Variants in ZMAT3 observed in about 807,000 individuals in gnomAD.
The protein encoded by ZMAT3 is zinc finger matrin-type protein 3.
Under a neutral mutation model 32.3 loss-of-function variants are expected in ZMAT3, and 17 were observed. The observed-to-expected ratio is 0.53, with a 90% CI of 0.36 to 0.79. ZMAT3 has a LOEUF of 0.79. Among genes scored for constraint, ZMAT3 ranks in the 30% least tolerant of loss-of-function variants. The probability of loss-of-function intolerance (pLI) is 0.00; values close to 1 mark genes in which losing one functional copy is unlikely to be tolerated. For missense variants in ZMAT3, 329 were observed against 359.7 expected (o/e 0.91, Z 0.69); for synonymous variants, 120 against 133.1 (o/e 0.90, Z 0.68).
rs1457234441 is a variant in ZMAT3 at position 179,036,475 on chromosome 3, G to A, written c.271-5476C>T. Among the ~76,000 whole-genome samples the A allele has an allele frequency of 2.6e-5, 4 of 152,186 alleles. No individual in the cohort carries two copies. The South Asian group carries it at 6.2e-4, about 24-fold the overall frequency. ...AGACAGATAACAGCTTGCAAAATGG[G>A]CCTCAAGCAAGATAATGGCTAGATA... On this transcript the variant is annotated intron_variant, in intron 2 of 5. Coordinates refer to ENST00000311417, the MANE Select transcript of ZMAT3 (RefSeq NM_022470.4).
chr3:179,062,224 T>C (rs1721185904), intron 2 of ZMAT3, among the ~76,000 whole-genome samples: 1 of 152,020 alleles, frequency 6.6e-6, no homozygotes, highest in Non-Finnish European at 1.5e-5. Flanking sequence ...CCTATAGGAA[T>C]GGAAATCAGA....
intron 5 of ZMAT3, among the ~76,000 whole-genome samples, chr3:179,026,633 A>C (rs1041842445): frequency 6.6e-6 from 1 of 151,982 alleles, no homozygotes; most frequent in Non-Finnish European, 1.5e-5. Flanking sequence ...TGATCCACCT[A>C]CCTCAGCCTC....
chr3:179,059,411 C>T (rs1454308760), intron 2 of ZMAT3, among the ~76,000 whole-genome samples: 1 of 152,170 alleles, frequency 6.6e-6, no homozygotes, highest in Non-Finnish European at 1.5e-5. Context: ...GCATTGACAG[C>T]ACCCATCAGA....
intron 2 of ZMAT3, among the ~76,000 whole-genome samples, chr3:179,044,758 T>C (rs1405480834): frequency 1.3e-5 from 2 of 152,148 alleles, no homozygotes; most frequent in Non-Finnish European, 2.9e-5. Context: ...GAAACCATCA[T>C]TCTCAGCAAA....
chr3:179,030,744 A>C, intron 3 of ZMAT3, 136 bp downstream of exon 3: 1 of 1,354,908 alleles, frequency 7.4e-7, no homozygotes, highest in Non-Finnish European at 9.8e-7. Context: ...AGTTAAAAGT[A>C]CCAAGCAGCA....
At chr3:179,056,549 T>A (rs960881765) in intron 2 of ZMAT3, among the ~76,000 whole-genome samples, 3 of 152,180 alleles carry the variant, frequency 2.0e-5, no homozygotes, top group African/African-American at 7.2e-5. Context: ...CCCCAGGGGA[T>A]GAAGATACTC....
Position 179,038,770 on chromosome 3 carries a change from G to A in ZMAT3, c.271-7771C>T, listed in dbSNP as rs568705602. Among the ~76,000 whole-genome samples the A allele has an allele frequency of 1.4e-4, 22 of 152,296 alleles. No homozygotes were observed. In the South Asian group the frequency reaches 3.5e-3, roughly 24 times the overall value. On this transcript the variant is annotated intron_variant, in intron 2 of 5. Coordinates refer to ENST00000311417, the MANE Select transcript of ZMAT3 (RefSeq NM_022470.4). ...AGCAGGGTGGGGTGTTACCTCAACC[G>A]GGAAGCCAAGAGGTCAGGGGATTTC...
chr3:179,017,287 T>C lies in ZMAT3; in HGVS notation c.*7730A>G, dbSNP rs561801985. 1 of 152,264 alleles carries C rather than the reference T, an allele frequency of 6.6e-6. No homozygotes were observed. The highest frequency in any genetic ancestry group is 6.5e-5 in the Admixed American group (1 of 15,282). The allele number at this position is 152,264 out of a possible 1,614,324, so 9.4% of individuals were successfully genotyped here. ...ACACAAAATGCGTGTTATAATAATG[T>C]CAAGCCTTTATCAGAAATCAGTACA... On this transcript the variant is annotated 3_prime_UTR_variant, in exon 6 of 6. Transcript: ENST00000311417.
chr3:179,035,343 T>C (rs572579955), intron 2 of ZMAT3, among the ~76,000 whole-genome samples: 121 of 152,226 alleles, frequency 7.9e-4, no homozygotes, highest in African/African-American at 2.6e-3. Context: ...CATGTGCTCC[T>C]TAAACATGCC....
At chr3:179,059,286 C>A (rs985170073) in intron 2 of ZMAT3, among the ~76,000 whole-genome samples, 1 of 152,198 alleles carries the variant, frequency 6.6e-6, no homozygotes. Context: ...GGGAACCTCA[C>A]AGGGACATCA....
chr3:179,070,528 C>T (rs970944252), intron 1 of ZMAT3, among the ~76,000 whole-genome samples: 1 of 152,054 alleles, frequency 6.6e-6, no homozygotes. Flanking sequence ...CATTTGCAAA[C>T]AAAAATTAGT....
rs1386277352 is a variant in ZMAT3 at position 179,024,160 on chromosome 3, A to G, written c.*857T>C. 1 of 152,210 alleles carries G rather than the reference A, an allele frequency of 6.6e-6. No individual in the cohort carries two copies. Among genetic ancestry groups the G allele is most frequent in the African/African-American group, 2.4e-5 (1 of 41,452 alleles). The allele number at this position is 152,210 out of a possible 1,614,324, so 9.4% of individuals were successfully genotyped here. ...TAGGGGGGAAAAAAGAGGAGGGAAG[A>G]AGGCGGCAATTATATGTGTGAAATC... On this transcript the variant is annotated 3_prime_UTR_variant, in exon 6 of 6. Transcript: ENST00000311417.
intron 2 of ZMAT3, among the ~76,000 whole-genome samples, chr3:179,051,694 A>C (rs913217549): frequency 6.6e-6 from 1 of 152,208 alleles, no homozygotes; most frequent in African/African-American, 2.4e-5. Flanking sequence ...ATTTATATGG[A>C]ACCAAAAAAG....
rs2108528060 is a variant in ZMAT3 at position 179,021,843 on chromosome 3, C to G, written c.*3174G>C. On this transcript the variant is annotated 3_prime_UTR_variant, in exon 6 of 6. Transcript: ENST00000311417. Reference sequence around the variant, plus strand: ...TTCCTGCCTGATAACCTCTGTCACCCTTTGTTTTCACCTATGGAACAGAGA... The same window carrying G: ...TTCCTGCCTGATAACCTCTGTCACCGTTTGTTTTCACCTATGGAACAGAGA... 1 of 152,320 alleles carries G rather than the reference C, an allele frequency of 6.6e-6. No homozygotes were observed. The highest frequency in any genetic ancestry group is 1.9e-4 in the East Asian group (1 of 5,186). The allele number at this position is 152,320 out of a possible 1,614,324, so 9.4% of individuals were successfully genotyped here. A position where few individuals can be genotyped will look rare whatever the true frequency, so the allele number is the denominator to read the frequency against.
At chr3:179,050,412 A>C (rs115906957) in intron 2 of ZMAT3, among the ~76,000 whole-genome samples, 1,557 of 152,284 alleles carry the variant, frequency 0.01, 27 homozygotes, top group African/African-American at 0.036. Flanking sequence ...TCCTAGATTA[A>C]ACCAAGAATA....
intron 5 of ZMAT3, among the ~76,000 whole-genome samples, chr3:179,026,829 G>A (rs573726320): frequency 6.6e-6 from 1 of 152,310 alleles, no homozygotes; most frequent in South Asian, 2.1e-4. Context: ...AGGGGAGGGT[G>A]AGGGACTACT....
At chr3:179,052,218 A>C (rs143147677) in intron 2 of ZMAT3, among the ~76,000 whole-genome samples, 1 of 152,166 alleles carries the variant, frequency 6.6e-6, no homozygotes, top group South Asian at 2.1e-4. Flanking sequence ...CAACCCATAG[A>C]GTAGGAGAAA....
intron 5 of ZMAT3, among the ~76,000 whole-genome samples, chr3:179,026,538 C>T (rs1718884695): frequency 6.6e-6 from 1 of 151,986 alleles, no homozygotes; most frequent in Non-Finnish European, 1.5e-5. Flanking sequence ...AGGCGTATGC[C>T]ACCATGCCCA....
intron 2 of ZMAT3, among the ~76,000 whole-genome samples, chr3:179,032,614 G>A (rs1050360520): frequency 3.3e-5 from 5 of 149,860 alleles, no homozygotes; most frequent in Admixed American, 6.6e-5. Context: ...CTGCCCCGCC[G>A]CCCCGTCTGA....
Sources: allele counts gnomAD v4.1 joint callset (sites outside exome capture counted in the v4.1 genomes callset), GRCh38; gene constraint gnomAD v4.1.1; transcripts MANE v1.5; gene names NCBI Gene and HGNC (gene_info 2026-07-23, HGNC 2026-07-21).